The following LOXHD1 variants were observed in gnomAD, a reference collection of about 807,000 sequenced individuals.
LOXHD1 encodes the protein lipoxygenase homology domain-containing protein 1.
LOXHD1 carries 205 observed loss-of-function variants against 248.2 expected under a neutral mutation model. That is an observed-to-expected ratio of 0.83 (90% confidence interval 0.74 to 0.93). LOXHD1 has a LOEUF of 0.93. Among genes scored for constraint, LOXHD1 ranks in the 40% least tolerant of loss-of-function variants. The pLI is 0.00. For missense variants in LOXHD1, 2,930 were observed against 2,971.6 expected, an observed-to-expected ratio of 0.99 and a Z score of 0.33; for synonymous variants, 1,113 against 1,162.8, an observed-to-expected ratio of 0.96 and a Z score of 0.87.
At chr18:46,646,424 T>C (rs2039031269) in intron 2 of LOXHD1, among the ~76,000 whole-genome samples, 1 of 152,194 alleles carries the variant, frequency 6.6e-6, no homozygotes, top group Non-Finnish European at 1.5e-5. Context: ...AAGGACCATG[T>C]CCTTCAATGC....
chr18:46,511,331 C>T (rs1455759319), intron 34 of LOXHD1, among the ~76,000 whole-genome samples: 2 of 152,218 alleles, frequency 1.3e-5, no homozygotes, highest in Non-Finnish European at 2.9e-5. Context: ...GTTGAGGAGC[C>T]AGCCTTTGAT....
intron 1 of LOXHD1, among the ~76,000 whole-genome samples, chr18:46,650,900 A>C (rs1006305319): frequency 6.6e-6 from 1 of 152,172 alleles, no homozygotes; most frequent in Non-Finnish European, 1.5e-5. Flanking sequence ...GACCCTGGAC[A>C]AGTGCCAGCC....
chr18:46,580,946 G>A (rs779779178), intron 12 of LOXHD1, among the ~76,000 whole-genome samples: 23 of 152,326 alleles, frequency 1.5e-4, no homozygotes, highest in Admixed American at 9.1e-4. Context: ...GATAAGGCTC[G>A]GAGGTGGACA....
Position 46,579,713 on chromosome 18 carries a change from A to T in LOXHD1, c.1726T>A (p.Cys576Ser). Residue 576 changes from cysteine to serine, a missense_variant, in exon 13 of 41, where the codon TGC (cysteine) becomes AGC (serine). Physicochemically the swap from Cys to Ser is moderately radical, Grantham distance 112 (BLOSUM62 -1). Transcript: ENST00000642948. ...GTGTCCCCCACATCACCAAAAAGGC[A>T]GAGATAGACGTTGGCATCGGTCCCA... ...GAGTDANVYLCLFGDVGDTGE... is the reference protein window; with the variant it reads ...GAGTDANVYLSLFGDVGDTGE... 1 of 1,551,830 alleles carries T rather than the reference A, an allele frequency of 6.4e-7. No homozygotes were observed. The highest frequency in any genetic ancestry group is 8.7e-7 in the Non-Finnish European group (1 of 1,147,008).
chr18:46,567,334 C>A lies in LOXHD1; in HGVS notation c.2245-885G>T, dbSNP rs558005276. Among the ~76,000 whole-genome samples the A allele has an allele frequency of 2.2e-3, 340 of 152,344 alleles. 1 individual carries two copies. Among genetic ancestry groups the A allele is most frequent in the African/African-American group, 7.9e-3 (330 of 41,582 alleles). ...AGATTTAGAAAACTGTCCATGCGAG[C>A]CTGCTCTTGCTCTTCTGAGTCCTAA... On this transcript the variant is annotated intron_variant, in intron 16 of 40. Coordinates refer to ENST00000642948, the MANE Select transcript of LOXHD1 (RefSeq NM_001384474.1).
intron 14 of LOXHD1, 44 bp from the exon 15 acceptor site, chr18:46,572,206 G>T: frequency 6.6e-7 from 1 of 1,505,642 alleles, no homozygotes; most frequent in Non-Finnish European, 9.1e-7. Context: ...GGTGGAGCAG[G>T]CAGACAATCA....
intron 37 of LOXHD1, among the ~76,000 whole-genome samples, chr18:46,503,113 C>T (rs1023411506): frequency 6.6e-6 from 1 of 152,188 alleles, no homozygotes; most frequent in African/African-American, 2.4e-5. Context: ...ATGAATAAGG[C>T]ATGATTCCTA....
rs2039192709 is a variant in LOXHD1 at position 46,657,056 on chromosome 18, C to T, written c.-23G>A. On this transcript the variant is annotated 5_prime_UTR_variant, in exon 1 of 41. Coordinates refer to ENST00000642948, the MANE Select transcript of LOXHD1 (RefSeq NM_001384474.1). ...CATTCTGTCGGCTGCCTTCTCCCAGCGCTCGCAGGCTCACTGTGCCGCCTC... is the reference window on the plus strand; with the variant it reads ...CATTCTGTCGGCTGCCTTCTCCCAGTGCTCGCAGGCTCACTGTGCCGCCTC... The T allele has an allele frequency of 6.4e-7, 1 of 1,551,512 alleles. No homozygotes were observed. The highest frequency in any genetic ancestry group is 1.2e-5 in the South Asian group (1 of 84,060).
chr18:46,485,292 C>T, intron 38 of LOXHD1, 141 bp from the exon 39 acceptor site: 1 of 895,004 alleles, frequency 1.1e-6, no homozygotes, highest in South Asian at 1.9e-5. Context: ...GTTAAAAGCA[C>T]CACGATTGAG....
At chr18:46,490,047 T>G (rs1481002220) in intron 37 of LOXHD1, among the ~76,000 whole-genome samples, 1 of 152,226 alleles carries the variant, frequency 6.6e-6, no homozygotes, top group Non-Finnish European at 1.5e-5. Context: ...GATGTGCACT[T>G]GCCTGCATGG....
At chr18:46,553,027 C>A (rs951395770) in intron 21 of LOXHD1, among the ~76,000 whole-genome samples, 3 of 152,220 alleles carry the variant, frequency 2.0e-5, no homozygotes, top group African/African-American at 4.8e-5. Context: ...AAGATGTCCC[C>A]ACCCATGACT....
At chr18:46,530,068 A>T (rs766513645) in intron 28 of LOXHD1, among the ~76,000 whole-genome samples, 5 of 152,176 alleles carry the variant, frequency 3.3e-5, no homozygotes, top group African/African-American at 9.7e-5. Context: ...CCTTCTCCTT[A>T]CCAGGGAGAC....
At position 46,639,751 on chromosome 18, in the gene LOXHD1, C is replaced by T; in HGVS notation, c.376G>A (p.Val126Met). The change falls in exon 4 of 41, where the codon GTG (valine) becomes ATG (methionine). Residue 126 changes from valine to methionine, a missense_variant. Transcript: ENST00000642948. ...GLNASWYLDH[V>M]IVTDMKRPHL... is the part of the protein sequence containing the mutation. ...GGCCTCTTCATGTCGGTCACAATCA[C>T]ATGGTCCAGGTACCAGCTGGCATTC... 5 of 1,551,736 alleles carry T rather than the reference C, an allele frequency of 3.2e-6. No individual in the cohort carries two copies. The highest frequency in any genetic ancestry group is 4.4e-6 in the Non-Finnish European group (5 of 1,147,014).
chr18:46,488,794 G>C (rs554560071), intron 38 of LOXHD1, among the ~76,000 whole-genome samples, 178 bp downstream of exon 38: 2 of 152,258 alleles, frequency 1.3e-5, no homozygotes, highest in East Asian at 3.9e-4. Context: ...CCATGAGCTG[G>C]CATCAGTGTT....
At chr18:46,497,317 G>T (rs180875094) in intron 37 of LOXHD1, among the ~76,000 whole-genome samples, 2 of 152,144 alleles carry the variant, frequency 1.3e-5, no homozygotes, top group African/African-American at 2.4e-5. Context: ...GGTTGGAGTG[G>T]TTTAGAGCTG....
chr18:46,616,458 T>A (rs755113643), intron 5 of LOXHD1, among the ~76,000 whole-genome samples: 9 of 152,200 alleles, frequency 5.9e-5, no homozygotes, highest in Non-Finnish European at 1.2e-4. Context: ...TTGATTTTAA[T>A]TGTTGAGGTC....
intron 4 of LOXHD1, among the ~76,000 whole-genome samples, chr18:46,619,437 T>G (rs2038637737): frequency 6.6e-6 from 1 of 152,158 alleles, no homozygotes; most frequent in Admixed American, 6.5e-5. Flanking sequence ...CTGTCTTGTG[T>G]TGTTTGCCAT....
At chr18:46,516,205 C>G (rs546143803) in intron 34 of LOXHD1, among the ~76,000 whole-genome samples, 1 of 152,300 alleles carries the variant, frequency 6.6e-6, no homozygotes, top group Non-Finnish European at 1.5e-5. Context: ...TATTTCACCT[C>G]TATGTGTCTC....
chr18:46,546,798 G>A (rs1420433870), intron 22 of LOXHD1, 97 bp downstream of exon 22: 1 of 1,372,470 alleles, frequency 7.3e-7, no homozygotes, highest in Non-Finnish European at 9.8e-7. Flanking sequence ...GAAGTTCCCA[G>A]AGCCCACAGG....
Sources: gnomAD v4.1 joint callset for allele counts (sites outside exome capture counted in the v4.1 genomes callset) on GRCh38, gnomAD v4.1.1 for gene constraint, MANE v1.5 for transcripts, NCBI Gene and HGNC (gene_info 2026-07-23, HGNC 2026-07-21) for gene names.